The following SLC71A2 variants were observed in gnomAD, a reference collection of about 807,000 sequenced individuals.
The protein encoded by SLC71A2 is hippocampus abundant transcript-like 1.
chr9:94,444,981 G>A, the SLC71A2 span: 17 of 1,613,814 alleles, frequency 1.1e-5, no homozygotes, highest in South Asian at 3.3e-5. Context: ...CCACCTTTGC[G>A]GCTAGTCTTG....
At chr9:94,406,513 A>C in the SLC71A2 span, among the ~76,000 whole-genome samples, 1 of 152,152 alleles carries the variant, frequency 6.6e-6, no homozygotes, top group Admixed American at 6.5e-5. Flanking sequence ...TGCTGGGATT[A>C]CAGGAGTGAG....
chr9:94,421,024 C>T, the SLC71A2 span, among the ~76,000 whole-genome samples: 1 of 151,782 alleles, frequency 6.6e-6, no homozygotes, highest in Non-Finnish European at 1.5e-5. Context: ...TATCTCAATA[C>T]TTTATGCACT....
the SLC71A2 span, chr9:94,459,180 C>A: frequency 6.2e-7 from 1 of 1,613,854 alleles, no homozygotes; most frequent in South Asian, 1.1e-5. Flanking sequence ...ATCCCAGGCC[C>A]GCCGTTTTTA....
the SLC71A2 span, among the ~76,000 whole-genome samples, chr9:94,391,358 GT>G: frequency 6.8e-6 from 1 of 147,266 alleles, no homozygotes. Context: ...GCGAGACTCT[GT>G]CTTAAAAAAA....
At chr9:94,382,698 C>T in the SLC71A2 span, among the ~76,000 whole-genome samples, 48 of 151,562 alleles carry the variant, frequency 3.2e-4, no homozygotes, top group African/African-American at 1.0e-3. Context: ...CTTTCTTTGT[C>T]GCCCAGGCTG....
At chr9:94,431,172 T>G in the SLC71A2 span, among the ~76,000 whole-genome samples, 78,266 of 151,870 alleles carry the variant, frequency 0.52, 20,413 homozygotes, top group Admixed American at 0.61. Flanking sequence ...AATTAGCTGG[T>G]CGTGGTGGCG....
chr9:94,427,399 G>A, the SLC71A2 span, among the ~76,000 whole-genome samples: 1 of 151,878 alleles, frequency 6.6e-6, no homozygotes, highest in Non-Finnish European at 1.5e-5. Flanking sequence ...GGCCCATATG[G>A]TCAGAAATTA....
At chr9:94,408,845 A>T in the SLC71A2 span, among the ~76,000 whole-genome samples, 5 of 137,516 alleles carry the variant, frequency 3.6e-5, no homozygotes, top group South Asian at 2.2e-4. Context: ...GTTTTTTGAG[A>T]CGGAGTCTCG....
the SLC71A2 span, among the ~76,000 whole-genome samples, chr9:94,415,908 G>A: frequency 6.6e-6 from 1 of 152,182 alleles, no homozygotes; most frequent in Admixed American, 6.5e-5. Context: ...TCTTTAGGAG[G>A]ATATTAATGG....
At chr9:94,396,873 C>G in the SLC71A2 span, among the ~76,000 whole-genome samples, 1 of 152,134 alleles carries the variant, frequency 6.6e-6, no homozygotes, top group Non-Finnish European at 1.5e-5. Context: ...CGGGTTCAAG[C>G]AGTTCTCCTG....
At chr9:94,413,659 C>CAAA in the SLC71A2 span, among the ~76,000 whole-genome samples, 16,952 of 101,672 alleles carry the variant, frequency 0.17, 1,887 homozygotes, top group Middle Eastern at 0.25. Flanking sequence ...GACTTCATCT[C>CAAA]AAAAAAAAAA....
chr9:94,378,694 G>T, the SLC71A2 span, among the ~76,000 whole-genome samples: 1 of 152,148 alleles, frequency 6.6e-6, no homozygotes, highest in African/African-American at 2.4e-5. Context: ...CCAAACAATT[G>T]AGAAGAGATC....
the SLC71A2 span, among the ~76,000 whole-genome samples, chr9:94,441,517 C>T: frequency 6.6e-6 from 1 of 152,210 alleles, no homozygotes; most frequent in Non-Finnish European, 1.5e-5. Context: ...TCACCTCCCA[C>T]CAGGCCCCAC....
the SLC71A2 span, among the ~76,000 whole-genome samples, chr9:94,377,421 G>A: frequency 6.7e-6 from 1 of 149,056 alleles, no homozygotes; most frequent in East Asian, 2.0e-4. Flanking sequence ...TGTCATCCAG[G>A]CTGCAATGGC....
the SLC71A2 span, among the ~76,000 whole-genome samples, chr9:94,448,079 G>A: frequency 1.7e-4 from 25 of 151,408 alleles, no homozygotes; most frequent in Admixed American, 3.3e-4. Flanking sequence ...GCATAAAGCT[G>A]CTGTAACATT....
chr9:94,430,719 TGTTA>T, the SLC71A2 span, among the ~76,000 whole-genome samples: 5 of 152,170 alleles, frequency 3.3e-5, no homozygotes, highest in South Asian at 4.1e-4. Flanking sequence ...GTGATTCTGA[TGTTA>T]GTTCTGTTTA....
the SLC71A2 span, among the ~76,000 whole-genome samples, chr9:94,449,558 C>T: frequency 6.6e-6 from 1 of 152,186 alleles, no homozygotes; most frequent in Non-Finnish European, 1.5e-5. Flanking sequence ...TTCACATGTT[C>T]TAGGATGGCT....
chr9:94,397,350 A>G, the SLC71A2 span, among the ~76,000 whole-genome samples: 28 of 152,090 alleles, frequency 1.8e-4, no homozygotes, highest in African/African-American at 5.6e-4. Context: ...GGCTCACACT[A>G]CTTTGGGACA....
chr9:94,420,218 ACAAC>A, the SLC71A2 span, among the ~76,000 whole-genome samples: 1 of 152,134 alleles, frequency 6.6e-6, no homozygotes, highest in Non-Finnish European at 1.5e-5. Flanking sequence ...CTCACCTCCT[ACAAC>A]TACCTGTTAT....
Sources: gnomAD v4.1 joint callset for allele counts (sites outside exome capture counted in the v4.1 genomes callset) on GRCh38, gnomAD v4.1.1 for gene constraint, MANE v1.5 for transcripts, NCBI Gene and HGNC (gene_info 2026-07-23, HGNC 2026-07-21) for gene names.